Variants in ARID5B observed in about 807,000 individuals in gnomAD.
The protein encoded by ARID5B is AT-rich interaction domain 5B.
Under a neutral mutation model 97.2 loss-of-function variants are expected in ARID5B, and 13 were observed. The observed-to-expected ratio is 0.13, with a 90% CI of 0.09 to 0.21. The LOEUF (loss-of-function observed/expected upper bound fraction) is 0.21, where lower values mean the gene tolerates loss of function less well. Among genes scored for constraint, ARID5B ranks in the 10% least tolerant of loss-of-function variants. The probability of loss-of-function intolerance (pLI) is 1.00; values close to 1 mark genes in which losing one functional copy is unlikely to be tolerated. For missense variants in ARID5B, 1,210 were observed against 1,465.3 expected (o/e 0.83, Z 2.84); for synonymous variants, 556 against 570.3 (o/e 0.97, Z 0.36).
chr10:61,975,532 C>T (rs568829776), intron 3 of ARID5B, among the ~76,000 whole-genome samples: 2 of 152,142 alleles, frequency 1.3e-5, no homozygotes, highest in African/African-American at 4.8e-5. Context: ...CTAGACAAGT[C>T]ACTGAGTCTC....
chr10:61,981,013 T>A (rs1838769783), intron 3 of ARID5B, among the ~76,000 whole-genome samples: 1 of 152,226 alleles, frequency 6.6e-6, no homozygotes, highest in South Asian at 2.1e-4. Flanking sequence ...TCAGAACTTA[T>A]AAGCAGTGGC....
At chr10:62,086,018 C>A in intron 9 of ARID5B, 118 bp downstream of exon 9, 1 of 1,070,764 alleles carries the variant, frequency 9.3e-7, no homozygotes, top group Non-Finnish European at 1.3e-6. Flanking sequence ...ATGAAGAAAC[C>A]AAGAAATCTA....
chr10:61,928,972 C>T (rs1844156946), intron 2 of ARID5B, among the ~76,000 whole-genome samples: 1 of 152,072 alleles, frequency 6.6e-6, no homozygotes, highest in African/African-American at 2.4e-5. Flanking sequence ...GCCAAACCAC[C>T]CAGGCTTCGA....
intron 3 of ARID5B, among the ~76,000 whole-genome samples, chr10:61,959,546 A>G (rs988048258): frequency 6.6e-6 from 1 of 152,164 alleles, no homozygotes; most frequent in African/African-American, 2.4e-5. Flanking sequence ...GAACTGATGG[A>G]TAATTTTTGT....
chr10:62,071,967 A>C (rs148765489), intron 8 of ARID5B, among the ~76,000 whole-genome samples: 1 of 152,336 alleles, frequency 6.6e-6, no homozygotes, highest in African/African-American at 2.4e-5. Flanking sequence ...TTCAACAAAG[A>C]GACTTCACCA....
At chr10:62,079,740 G>A (rs1057036588) in intron 8 of ARID5B, among the ~76,000 whole-genome samples, 1 of 152,100 alleles carries the variant, frequency 6.6e-6, no homozygotes, top group Admixed American at 6.6e-5. Context: ...ATTATCAGTG[G>A]GCCTAAGAAA....
chr10:62,087,532 T>C, intron 9 of ARID5B, among the ~76,000 whole-genome samples: 1 of 133,246 alleles, frequency 7.5e-6, no homozygotes, highest in South Asian at 2.4e-4. Context: ...TGCTGCCCAT[T>C]AAAAAAAAAA....
intron 4 of ARID5B, among the ~76,000 whole-genome samples, chr10:62,047,930 T>G (rs1408967875): frequency 6.6e-6 from 1 of 152,172 alleles, no homozygotes; most frequent in Non-Finnish European, 1.5e-5. Flanking sequence ...TTGTGTTCCA[T>G]TCCCCCCACC....
chr10:61,962,777 C>A (rs1372712954), intron 3 of ARID5B, among the ~76,000 whole-genome samples: 1 of 152,166 alleles, frequency 6.6e-6, no homozygotes, highest in African/African-American at 2.4e-5. Context: ...ATGAGCAGTA[C>A]CTTCATCCAT....
chr10:61,901,966 G>T (rs1156562592), intron 1 of ARID5B, among the ~76,000 whole-genome samples, 193 bp from the exon 2 acceptor site: 5 of 144,768 alleles, frequency 3.5e-5, no homozygotes, highest in Non-Finnish European at 7.6e-5. Flanking sequence ...GCGGTGGGGG[G>T]CCCTGAGTTT....
chr10:61,977,034 G>A (rs545595583), intron 3 of ARID5B, among the ~76,000 whole-genome samples: 4 of 151,838 alleles, frequency 2.6e-5, no homozygotes, highest in Non-Finnish European at 5.9e-5. Flanking sequence ...AACAGGCCCC[G>A]GTGTGTCATG....
At chr10:61,947,153 G>A (rs796206554) in intron 3 of ARID5B, among the ~76,000 whole-genome samples, 23 of 151,814 alleles carry the variant, frequency 1.5e-4, no homozygotes, top group African/African-American at 4.6e-4. Context: ...GCCTCATGCC[G>A]TTATAATGTG....
At chr10:62,082,653 T>C (rs977608413) in intron 8 of ARID5B, among the ~76,000 whole-genome samples, 2 of 152,236 alleles carry the variant, frequency 1.3e-5, no homozygotes, top group Non-Finnish European at 2.9e-5. Flanking sequence ...AATGTTGACC[T>C]AATCTAAGGC....
intron 3 of ARID5B, among the ~76,000 whole-genome samples, chr10:61,946,329 A>G (rs1589229910): frequency 1.3e-5 from 2 of 152,118 alleles, no homozygotes; most frequent in South Asian, 4.1e-4. Flanking sequence ...AGAAAACAAT[A>G]TAAATGTCTG....
chr10:61,972,619 T>G (rs943735597), intron 3 of ARID5B, among the ~76,000 whole-genome samples: 1 of 152,224 alleles, frequency 6.6e-6, no homozygotes, highest in Admixed American at 6.5e-5. Context: ...TCCACTGTAT[T>G]CTATTATGGA....
intron 2 of ARID5B, among the ~76,000 whole-genome samples, chr10:61,904,409 G>T (rs781360957): frequency 2.6e-5 from 4 of 152,110 alleles, no homozygotes; most frequent in Admixed American, 2.0e-4. Flanking sequence ...TTTGCCAAAC[G>T]TTGCATCTGC....
intron 3 of ARID5B, among the ~76,000 whole-genome samples, chr10:61,988,100 T>C (rs1474057926): frequency 1.3e-5 from 2 of 152,156 alleles, no homozygotes; most frequent in Non-Finnish European, 2.9e-5. Context: ...ATCTGTATCA[T>C]CAGCTTTCAA....
At chr10:61,902,034 A>G in intron 1 of ARID5B, 125 bp from the exon 2 acceptor site, 1 of 1,125,594 alleles carries the variant, frequency 8.9e-7, no homozygotes, top group Non-Finnish European at 1.2e-6. Flanking sequence ...TTTTCCACCC[A>G]GCGTTATATC....
chr10:62,029,289 G>C (rs1839464481), intron 4 of ARID5B, among the ~76,000 whole-genome samples: 1 of 152,080 alleles, frequency 6.6e-6, no homozygotes, highest in Non-Finnish European at 1.5e-5. Flanking sequence ...TATCTCTACT[G>C]CTCTCCAAAA....
Sources: allele counts gnomAD v4.1 joint callset (sites outside exome capture counted in the v4.1 genomes callset), GRCh38; gene constraint gnomAD v4.1.1; transcripts MANE v1.5; gene names NCBI Gene and HGNC (gene_info 2026-07-23, HGNC 2026-07-21).